Variants in GLI2 observed in about 807,000 individuals in gnomAD.
GLI2 encodes the protein transcription activator GLI2.
A neutral mutation model predicts 78.9 loss-of-function variants in GLI2; 22 were observed. That is an observed-to-expected ratio of 0.28 (90% CI 0.20 to 0.40). The LOEUF is 0.40. Ranked by LOEUF, GLI2 falls within the 10% of genes least tolerant of loss-of-function variation. The probability of loss-of-function intolerance (pLI) is 1.00; values close to 1 mark genes in which losing one functional copy is unlikely to be tolerated. For synonymous variants in GLI2, 974 were observed against 963.7 expected (o/e 1.01, Z -0.20); for missense variants, 2,097 against 2,213.2 (o/e 0.95, Z 1.05).
At chr2:120,845,687 G>T (rs1182953776) in intron 2 of GLI2, among the ~76,000 whole-genome samples, 1 of 152,214 alleles carries the variant, frequency 6.6e-6, no homozygotes, top group South Asian at 2.1e-4. Context: ...TCGGGACACT[G>T]CCTGGACTCT....
At chr2:120,821,212 G>T (rs1288754037) in intron 2 of GLI2, among the ~76,000 whole-genome samples, 3 of 152,116 alleles carry the variant, frequency 2.0e-5, no homozygotes, top group Admixed American at 1.3e-4. Flanking sequence ...GAGTTGCAAA[G>T]GTGCAGATGC....
chr2:120,823,831 A>C (rs1446253921), intron 2 of GLI2, among the ~76,000 whole-genome samples: 1 of 152,202 alleles, frequency 6.6e-6, no homozygotes, highest in Non-Finnish European at 1.5e-5. Flanking sequence ...GCGAAGGCGC[A>C]GTACCATGCA....
intron 3 of GLI2, among the ~76,000 whole-genome samples, chr2:120,932,691 A>G (rs545230610): frequency 6.6e-6 from 1 of 152,372 alleles, no homozygotes; most frequent in South Asian, 2.1e-4. Flanking sequence ...AGACAGGGTA[A>G]TGTGAGTAAA....
chr2:120,782,500 A>G (rs1240636732), intron 1 of GLI2, among the ~76,000 whole-genome samples: 1 of 152,232 alleles, frequency 6.6e-6, no homozygotes, highest in East Asian at 1.9e-4. Context: ...GGTGTGGCGA[A>G]GCTGAGTCAG....
intron 2 of GLI2, among the ~76,000 whole-genome samples, chr2:120,812,373 T>G (rs1685290000): frequency 6.6e-6 from 1 of 152,170 alleles, no homozygotes; most frequent in Non-Finnish European, 1.5e-5. Flanking sequence ...TGGCCCCACT[T>G]GTGGGAGCTG....
chr2:120,919,408 G>A (rs766536204), intron 2 of GLI2, among the ~76,000 whole-genome samples: 1 of 152,228 alleles, frequency 6.6e-6, no homozygotes, highest in Non-Finnish European at 1.5e-5. Context: ...TGCCCGACCC[G>A]ACGCAGAGCA....
At chr2:120,913,023 A>G (rs558669410) in intron 2 of GLI2, among the ~76,000 whole-genome samples, 13 of 152,344 alleles carry the variant, frequency 8.5e-5, no homozygotes, top group African/African-American at 2.9e-4. Flanking sequence ...AAAGGAGGGA[A>G]GAAAAATAAC....
At chr2:120,916,771 C>T (rs966745433) in intron 2 of GLI2, among the ~76,000 whole-genome samples, 26 of 152,338 alleles carry the variant, frequency 1.7e-4, no homozygotes, top group African/African-American at 6.0e-4. Context: ...GCAGCTCCGC[C>T]GTGGATTCCA....
At chr2:120,832,608 T>G (rs1240220870) in intron 2 of GLI2, among the ~76,000 whole-genome samples, 1 of 152,186 alleles carries the variant, frequency 6.6e-6, no homozygotes, top group African/African-American at 2.4e-5. Flanking sequence ...TCAGGCCCTT[T>G]GGGACTGCTG....
chr2:120,806,535 G>GGT (rs1684960291), intron 2 of GLI2, among the ~76,000 whole-genome samples: 1 of 151,608 alleles, frequency 6.6e-6, no homozygotes, highest in South Asian at 2.1e-4. Context: ...AGGAGGAGGG[G>GGT]CAGAGTGGCC....
intron 5 of GLI2, among the ~76,000 whole-genome samples, chr2:120,957,375 C>T (rs1044035469): frequency 1.3e-5 from 2 of 152,232 alleles, no homozygotes; most frequent in African/African-American, 2.4e-5. Context: ...CTGTTCCCCT[C>T]TCCTCTCAGC....
intron 2 of GLI2, among the ~76,000 whole-genome samples, chr2:120,849,787 C>T (rs1441121953): frequency 2.0e-5 from 3 of 152,154 alleles, no homozygotes; most frequent in East Asian, 1.9e-4. Context: ...CCCAAAGCAG[C>T]GGAATTCAGG....
At chr2:120,763,826 A>G (rs920684581) in intron 1 of GLI2, among the ~76,000 whole-genome samples, 21 of 152,364 alleles carry the variant, frequency 1.4e-4, no homozygotes, top group African/African-American at 4.3e-4. Context: ...GGGCTGTGAA[A>G]GGCAAGTCAG....
chr2:120,811,138 A>G (rs1685219326), intron 2 of GLI2, among the ~76,000 whole-genome samples: 1 of 152,172 alleles, frequency 6.6e-6, no homozygotes, highest in Non-Finnish European at 1.5e-5. Flanking sequence ...TGTGCGTAGA[A>G]GGGTGGCCCA....
intron 8 of GLI2, among the ~76,000 whole-genome samples, chr2:120,973,510 C>T (rs772584422): frequency 6.6e-5 from 10 of 152,214 alleles, no homozygotes; most frequent in Non-Finnish European, 1.2e-4. Context: ...CTCAGTGTCC[C>T]GATTCACTGA....
chr2:120,745,950 G>C (rs936424778), intron 1 of GLI2, among the ~76,000 whole-genome samples: 1 of 152,176 alleles, frequency 6.6e-6, no homozygotes, highest in Non-Finnish European at 1.5e-5. Context: ...GGTGGGATGT[G>C]GGCTGGTGCC....
chr2:120,988,385 C>T lies in GLI2; in HGVS notation c.2420C>T (p.Ser807Phe), dbSNP rs749994693. ...SSAYTVSRRS[S>F]GISPYFSSRR... The stretch of plus-strand genomic sequence containing the variant: ...GCCTACACCGTGAGCCGCCGCTCCT[C>T]CGGCATCTCCCCCTACTTCTCCAGC... The change falls in exon 14 of 14, where the codon TCC becomes TTC. Residue 807 changes from serine (S) to phenylalanine (F), a missense_variant. Ser to Phe is a radical substitution (Grantham distance 155). Coordinates refer to ENST00000361492, the MANE Select transcript of GLI2 (RefSeq NM_001374353.1). 1 of 1,572,458 alleles carries T rather than the reference C, an allele frequency of 6.4e-7. No individual in the cohort carries two copies. Among genetic ancestry groups the T allele is most frequent in the Admixed American group, 1.7e-5 (1 of 57,440 alleles).
At chr2:120,763,846 CA>C (rs2104648473) in intron 1 of GLI2, among the ~76,000 whole-genome samples, 1 of 152,338 alleles carries the variant, frequency 6.6e-6, no homozygotes, top group African/African-American at 2.4e-5. Flanking sequence ...GGACCAAAAA[CA>C]AAATTATTTT....
chr2:120,782,510 G>C (rs996664251), intron 1 of GLI2, among the ~76,000 whole-genome samples: 1 of 152,210 alleles, frequency 6.6e-6, no homozygotes, highest in African/African-American at 2.4e-5. Flanking sequence ...AGCTGAGTCA[G>C]TTGCCCACAG....
Sources: gnomAD v4.1 joint callset for allele counts (sites outside exome capture counted in the v4.1 genomes callset) on GRCh38, gnomAD v4.1.1 for gene constraint, MANE v1.5 for transcripts, NCBI Gene and HGNC (gene_info 2026-07-23, HGNC 2026-07-21) for gene names.